Variants in TENM2 observed in about 807,000 individuals in gnomAD.
The protein encoded by TENM2 is teneurin transmembrane protein 2, also known as teneurin-2.
A neutral mutation model predicts 245.2 loss-of-function variants in TENM2; 52 were observed. That is an observed-to-expected ratio of 0.21 (90% CI 0.17 to 0.27). TENM2 has a LOEUF of 0.27. TENM2 is among the 10% of genes least tolerant of loss of function. The pLI, the probability that TENM2 is intolerant of heterozygous loss-of-function variation, is 1.00. For missense variants in TENM2, 3,046 were observed against 3,666.8 expected, an observed-to-expected ratio of 0.83 and a Z score of 4.37; for synonymous variants, 1,363 against 1,438.9, an observed-to-expected ratio of 0.95 and a Z score of 1.19.
chr5:167,790,044 C>A (rs2150888473), intron 2 of TENM2, among the ~76,000 whole-genome samples: 1 of 152,222 alleles, frequency 6.6e-6, no homozygotes, highest in Middle Eastern at 3.4e-3. Context: ...TGCCTGGTTT[C>A]TTGATTTAAC....
chr5:167,050,184 C>T, the TENM2 span, among the ~76,000 whole-genome samples: 2 of 152,104 alleles, frequency 1.3e-5, no homozygotes, highest in South Asian at 4.1e-4. Context: ...TGGCCTCTTA[C>T]GAACAGGGCT....
chr5:167,305,516 T>TA (rs1220486152), intron 1 of TENM2, among the ~76,000 whole-genome samples: 3 of 152,306 alleles, frequency 2.0e-5, no homozygotes, highest in Admixed American at 1.3e-4. Context: ...ACAGCTTGCT[T>TA]AAAAAACCAG....
exon 27 of TENM2, chr5:168,246,772 C>T: frequency 6.2e-7 from 1 of 1,613,734 alleles, no homozygotes; most frequent in East Asian, 2.2e-5. Context: ...GGTCCTCCTG[C>T]TTCAGAGCCA....
the TENM2 span, among the ~76,000 whole-genome samples, chr5:167,179,354 A>C: frequency 2.6e-5 from 4 of 152,236 alleles, no homozygotes; most frequent in East Asian, 1.9e-4. Context: ...GAGAGAAGTA[A>C]AAGACAGATT....
At chr5:167,605,884 C>A (rs981434395) in intron 2 of TENM2, among the ~76,000 whole-genome samples, 2 of 152,110 alleles carry the variant, frequency 1.3e-5, no homozygotes, top group Non-Finnish European at 2.9e-5. Flanking sequence ...ATTTGGGTGT[C>A]GCCCAGAAGA....
chr5:167,246,876 C>G, the TENM2 span, among the ~76,000 whole-genome samples: 4 of 152,046 alleles, frequency 2.6e-5, no homozygotes, highest in East Asian at 7.7e-4. Context: ...CGAAAGCCCC[C>G]CTACTAACAT....
intron 2 of TENM2, among the ~76,000 whole-genome samples, chr5:167,754,333 G>A (rs6866651): frequency 0.021 from 3,206 of 152,190 alleles, 124 homozygotes; most frequent in African/African-American, 0.073. Context: ...AAAGGTAACC[G>A]ACCAGGAAGG....
chr5:167,241,821 C>T, the TENM2 span, among the ~76,000 whole-genome samples: 3 of 152,070 alleles, frequency 2.0e-5, no homozygotes, highest in Admixed American at 6.5e-5. Flanking sequence ...ATGTACACAA[C>T]TCTTTGAAGA....
At chr5:168,079,152 T>G (rs1018285232) in intron 7 of TENM2, among the ~76,000 whole-genome samples, 6 of 152,182 alleles carry the variant, frequency 3.9e-5, no homozygotes, top group Non-Finnish European at 8.8e-5. Flanking sequence ...TCACATCCCT[T>G]GTAAGTTGGA....
intron 2 of TENM2, among the ~76,000 whole-genome samples, chr5:167,622,896 T>A (rs953810728): frequency 6.6e-6 from 1 of 152,160 alleles, no homozygotes; most frequent in South Asian, 2.1e-4. Flanking sequence ...CACGGTCTTG[T>A]CAAAGCTGCA....
chr5:167,022,188 A>G, the TENM2 span, among the ~76,000 whole-genome samples: 1 of 152,226 alleles, frequency 6.6e-6, no homozygotes, highest in African/African-American at 2.4e-5. Context: ...TGTTAAAACA[A>G]GACTCCAAAG....
intron 2 of TENM2, among the ~76,000 whole-genome samples, chr5:167,558,724 A>T (rs1248357035): frequency 6.6e-6 from 1 of 152,162 alleles, no homozygotes; most frequent in Non-Finnish European, 1.5e-5. Flanking sequence ...TATGGTGAGT[A>T]TGTAATAATA....
At chr5:167,619,470 A>G (rs1349002957) in intron 2 of TENM2, among the ~76,000 whole-genome samples, 1 of 152,106 alleles carries the variant, frequency 6.6e-6, no homozygotes, top group Non-Finnish European at 1.5e-5. Context: ...TACAGGGCAC[A>G]TTAAAGTCAT....
chr5:167,920,515 T>TCTCACACA (rs374313857), intron 3 of TENM2, among the ~76,000 whole-genome samples: 3 of 129,456 alleles, frequency 2.3e-5, no homozygotes, highest in African/African-American at 8.9e-5. Flanking sequence ...CGAAACTCCA[T>TCTCACACA]CACACACACA....
chr5:167,651,777 A>G (rs928930200), intron 2 of TENM2, among the ~76,000 whole-genome samples: 1 of 152,160 alleles, frequency 6.6e-6, no homozygotes, highest in African/African-American at 2.4e-5. Flanking sequence ...GGTCCAATAT[A>G]GGTCAAAGAG....
chr5:167,278,689 C>A, the TENM2 span, among the ~76,000 whole-genome samples: 1 of 152,094 alleles, frequency 6.6e-6, no homozygotes, highest in Admixed American at 6.5e-5. Context: ...AGTGTGGAAG[C>A]CTTCCCTTCC....
chr5:167,685,272 T>C (rs902743798), intron 2 of TENM2, among the ~76,000 whole-genome samples: 2 of 152,246 alleles, frequency 1.3e-5, no homozygotes, highest in African/African-American at 2.4e-5. Flanking sequence ...TATCTCTTCC[T>C]TTTATTTTTA....
intron 14 of TENM2, chr5:168,190,912 A>G (rs1367303634): frequency 5.8e-6 from 1 of 171,648 alleles, no homozygotes; most frequent in East Asian, 1.7e-4. Flanking sequence ...TTGCTGAAAT[A>G]GTTCATTCAA....
the TENM2 span, among the ~76,000 whole-genome samples, chr5:167,162,753 A>G: frequency 1.3e-5 from 2 of 152,222 alleles, no homozygotes; most frequent in Non-Finnish European, 2.9e-5. Context: ...CCTGATACTC[A>G]TGACCAATCC....
Sources: gnomAD v4.1 joint callset for allele counts (sites outside exome capture counted in the v4.1 genomes callset) on GRCh38, gnomAD v4.1.1 for gene constraint, MANE v1.5 for transcripts, NCBI Gene and HGNC (gene_info 2026-07-23, HGNC 2026-07-21) for gene names.